PRDM16: variants seen among roughly 807,000 people sequenced by gnomAD.
PRDM16 encodes the protein PR/SET domain 16.
In PRDM16, 23 loss-of-function variants were observed where a neutral mutation model predicts 110.6. The ratio of observed to expected loss-of-function variants is 0.21; its 90% CI spans 0.15 to 0.29. The LOEUF (loss-of-function observed/expected upper bound fraction) is 0.29. Among genes scored for constraint, PRDM16 ranks in the 10% least tolerant of loss-of-function variants. The pLI is 1.00. For missense variants in PRDM16, 1,615 were observed against 1,794.3 expected (o/e 0.90, Z 1.81); for synonymous variants, 799 against 781.8 (o/e 1.02, Z -0.37).
chr1:3,207,837 A>G (rs1293163103), intron 2 of PRDM16: 1 of 152,210 alleles, frequency 6.6e-6, no homozygotes, highest in Non-Finnish European at 1.5e-5. Context: ...GTCTCTCACC[A>G]AGGCTGTCAC....
intron 2 of PRDM16, among the ~76,000 whole-genome samples, chr1:3,221,868 T>C (rs1345188458): frequency 6.6e-6 from 1 of 152,232 alleles, no homozygotes. Flanking sequence ...TCATGGAGAA[T>C]TCACTCCCAT....
chr1:3,097,557 T>A (rs1335989857), intron 1 of PRDM16, among the ~76,000 whole-genome samples: 1 of 120,846 alleles, frequency 8.3e-6, no homozygotes, highest in African/African-American at 2.6e-5. Context: ...TAAAAATGAA[T>A]TCTTCTCCAC....
intron 3 of PRDM16, among the ~76,000 whole-genome samples, chr1:3,360,020 G>A (rs966585819): frequency 7.1e-6 from 1 of 139,970 alleles, no homozygotes; most frequent in African/African-American, 3.3e-5. Context: ...AACTCCATGC[G>A]TTCCCGTTAG....
chr1:3,402,674 C>T, intron 5 of PRDM16, 117 bp from the exon 6 acceptor site: 2 of 851,166 alleles, frequency 2.3e-6, no homozygotes, highest in South Asian at 3.2e-5. Context: ...CAGGACTGGC[C>T]AGCCTGGGTG....
chr1:3,279,001 G>A (rs1045324153), intron 3 of PRDM16, among the ~76,000 whole-genome samples: 1 of 152,246 alleles, frequency 6.6e-6, no homozygotes, highest in Non-Finnish European at 1.5e-5. Context: ...CTCCGTGTCT[G>A]TCATCGTCAG....
At chr1:3,291,570 G>T in intron 3 of PRDM16, among the ~76,000 whole-genome samples, 1 of 151,986 alleles carries the variant, frequency 6.6e-6, no homozygotes, top group African/African-American at 2.4e-5. Context: ...CACTCCTCCC[G>T]CCCCTGCCCA....
At chr1:3,417,696 A>G (rs985409276) in intron 10 of PRDM16, 132 bp from the exon 11 acceptor site, 2 of 779,078 alleles carry the variant, frequency 2.6e-6, no homozygotes, top group Admixed American at 2.4e-5. Flanking sequence ...AGAAAATACT[A>G]GGAGACCATT....
intron 1 of PRDM16, among the ~76,000 whole-genome samples, chr1:3,119,252 G>A (rs969782398): frequency 6.6e-6 from 1 of 152,260 alleles, no homozygotes; most frequent in African/African-American, 2.4e-5. Flanking sequence ...TCCTTTCCAG[G>A]TGCTGGTGAA....
intron 3 of PRDM16, among the ~76,000 whole-genome samples, chr1:3,285,331 G>A (rs1311329605): frequency 6.6e-6 from 1 of 152,180 alleles, no homozygotes; most frequent in Non-Finnish European, 1.5e-5. Flanking sequence ...TGGGAAAGCA[G>A]CTCTGCCCTC....
intron 1 of PRDM16, among the ~76,000 whole-genome samples, chr1:3,074,908 CGT>C (rs1641862671): frequency 6.6e-6 from 1 of 152,238 alleles, no homozygotes; most frequent in African/African-American, 2.4e-5. Context: ...TCCAGCCTGG[CGT>C]GGGCCACGGC....
intron 3 of PRDM16, among the ~76,000 whole-genome samples, chr1:3,285,914 G>A (rs1018725819): frequency 1.3e-5 from 2 of 152,220 alleles, no homozygotes; most frequent in African/African-American, 2.4e-5. Context: ...TCCAGGCTCC[G>A]CTGACGAGAA....
At chr1:3,097,129 T>C (rs1297559743) in intron 1 of PRDM16, among the ~76,000 whole-genome samples, 1 of 152,134 alleles carries the variant, frequency 6.6e-6, no homozygotes, top group Non-Finnish European at 1.5e-5. Context: ...GCCGAGAAGT[T>C]GCCCTCGTAG....
chr1:3,430,728 G>A, intron 14 of PRDM16, 144 bp from the exon 15 acceptor site: 2 of 976,520 alleles, frequency 2.0e-6, no homozygotes, highest in Non-Finnish European at 3.2e-6. Context: ...GCTGGGCCCA[G>A]GGACCCGCGG....
intron 1 of PRDM16, among the ~76,000 whole-genome samples, chr1:3,124,415 G>A (rs953216190): frequency 6.6e-6 from 1 of 152,188 alleles, no homozygotes; most frequent in African/African-American, 2.4e-5. Flanking sequence ...TTTCAGCCAG[G>A]AACCTCTGCT....
At chr1:3,279,413 C>T (rs983419235) in intron 3 of PRDM16, among the ~76,000 whole-genome samples, 10 of 152,340 alleles carry the variant, frequency 6.6e-5, no homozygotes, top group South Asian at 2.1e-4. Flanking sequence ...TCAGCCGCTC[C>T]GGGCGAGGGA....
chr1:3,318,930 G>T (rs933327881), intron 3 of PRDM16, among the ~76,000 whole-genome samples: 23 of 152,308 alleles, frequency 1.5e-4, no homozygotes, highest in African/African-American at 5.1e-4. Flanking sequence ...TAAAATAAAG[G>T]CCCCTGAGCT....
At chr1:3,260,699 T>C (rs981420692) in intron 3 of PRDM16, among the ~76,000 whole-genome samples, 65 of 149,494 alleles carry the variant, frequency 4.3e-4, no homozygotes, top group Non-Finnish European at 3.6e-4. Context: ...GTGTTGATGA[T>C]GGTGATGGTG....
intron 3 of PRDM16, among the ~76,000 whole-genome samples, chr1:3,266,614 C>T (rs1640300615): frequency 6.6e-6 from 1 of 152,238 alleles, no homozygotes; most frequent in Non-Finnish European, 1.5e-5. Context: ...GAGGCACGGG[C>T]CTGCACCCTC....
intron 14 of PRDM16, among the ~76,000 whole-genome samples, chr1:3,429,158 G>C (rs1638698383): frequency 6.6e-6 from 1 of 152,250 alleles, no homozygotes; most frequent in Non-Finnish European, 1.5e-5. Flanking sequence ...AACCCGGCCT[G>C]CCCTCGCCTG....
Sources: allele counts gnomAD v4.1 joint callset (sites outside exome capture counted in the v4.1 genomes callset), GRCh38; gene constraint gnomAD v4.1.1; transcripts MANE v1.5; gene names NCBI Gene and HGNC (gene_info 2026-07-23, HGNC 2026-07-21).